NMBR: variants seen among roughly 807,000 people sequenced by gnomAD.
NMBR encodes the protein neuromedin B receptor, also known as neuromedin-B receptor.
NMBR carries 16 observed loss-of-function variants against 20.5 expected under a neutral mutation model. The observed-to-expected ratio is 0.78, with a 90% CI of 0.53 to 1.19. The LOEUF is 1.19. Ranked by LOEUF, NMBR falls within the 50% of genes most tolerant of loss-of-function variation. NMBR has a pLI of 0.00. For synonymous variants in NMBR, 212 were observed against 196.6 expected (o/e 1.08, Z -0.65); for missense variants, 582 against 499.1 (o/e 1.17, Z -1.58).
chr6:142,134,147 G>T, intron 1 of NMBR: 1 of 498,622 alleles, frequency 2.0e-6, no homozygotes, highest in Non-Finnish European at 3.6e-6. Context: ...TGTTCCTAAG[G>T]ATTATGTTAC....
intron 1 of NMBR, among the ~76,000 whole-genome samples, chr6:142,106,661 A>G (rs1777667196): frequency 6.6e-6 from 1 of 152,224 alleles, no homozygotes; most frequent in South Asian, 2.1e-4. Flanking sequence ...TGCCCTAAGC[A>G]ATTGTTAACT....
At chr6:142,122,232 G>A (rs1390480085) in intron 1 of NMBR, among the ~76,000 whole-genome samples, 2 of 151,922 alleles carry the variant, frequency 1.3e-5, no homozygotes, top group Admixed American at 6.6e-5. Context: ...ATTCCCTTAA[G>A]CCAAAACCTA....
intron 1 of NMBR, among the ~76,000 whole-genome samples, chr6:142,094,662 A>C (rs1777408183): frequency 1.3e-5 from 2 of 152,136 alleles, no homozygotes; most frequent in Non-Finnish European, 2.9e-5. Flanking sequence ...ATGAACTTTA[A>C]AGGAGTTTTT....
chr6:142,087,630 G>GA (rs946838022), intron 2 of NMBR, among the ~76,000 whole-genome samples: 98 of 150,616 alleles, frequency 6.5e-4, no homozygotes, highest in African/African-American at 2.1e-3. Flanking sequence ...CCTATCTGTG[G>GA]AAAAAAAAAG....
chr6:142,088,305 C>T lies in NMBR; in HGVS notation c.354G>A (p.Leu118=). Residue 118 remains leucine, a synonymous_variant, in exon 2 of 4, where the codon CTG becomes CTA. Transcript: ENST00000258042. ...CGGAAGTGAGCTGGATGACAGGGATCAGTTTGCAGCCCACCTTGCCAAACA... is the reference window on the plus strand; with the variant it reads ...CGGAAGTGAGCTGGATGACAGGGATTAGTTTGCAGCCCACCTTGCCAAACA... ...EWMFGKVGCK[L]IPVIQLTSVG... 6.2e-7 allele frequency: 1 copy of T among 1,614,016 alleles called. No individual in the cohort carries two copies. Among genetic ancestry groups the T allele is most frequent in the Admixed American group, 1.7e-5 (1 of 60,024 alleles).
At chr6:142,111,430 A>G (rs1777761834) in intron 1 of NMBR, among the ~76,000 whole-genome samples, 1 of 152,172 alleles carries the variant, frequency 6.6e-6, no homozygotes, top group South Asian at 2.1e-4. Context: ...TGATTTTCTT[A>G]GTGAGAAAAG....
intron 1 of NMBR, among the ~76,000 whole-genome samples, chr6:142,109,903 A>G (rs1777730339): frequency 6.6e-6 from 1 of 152,104 alleles, no homozygotes; most frequent in Admixed American, 6.6e-5. Flanking sequence ...ATATATAGAT[A>G]TGAGCCTTCA....
intron 1 of NMBR, among the ~76,000 whole-genome samples, chr6:142,135,947 A>C (rs1365403162): frequency 6.6e-6 from 1 of 152,008 alleles, no homozygotes; most frequent in Non-Finnish European, 1.5e-5. Context: ...ATAGTGCCAC[A>C]ATAAACATAC....
At chr6:142,141,460 G>A (rs183317991) in intron 1 of NMBR, among the ~76,000 whole-genome samples, 7 of 151,742 alleles carry the variant, frequency 4.6e-5, no homozygotes, top group Admixed American at 2.6e-4. Context: ...TAGAAAAGAA[G>A]TTATATTGTG....
intron 1 of NMBR, among the ~76,000 whole-genome samples, chr6:142,120,538 A>T (rs1777927837): frequency 6.6e-6 from 1 of 151,936 alleles, no homozygotes; most frequent in African/African-American, 2.4e-5. Context: ...TTCATGTGTG[A>T]CAAGAAAACA....
At chr6:142,091,712 A>C (rs1380579325) in intron 1 of NMBR, among the ~76,000 whole-genome samples, 2 of 152,194 alleles carry the variant, frequency 1.3e-5, no homozygotes, top group Non-Finnish European at 2.9e-5. Context: ...ATTGTATTTG[A>C]AATCAGTGTC....
chr6:142,135,069 A>T (rs1582864174), intron 1 of NMBR: 2 of 390,240 alleles, frequency 5.1e-6, no homozygotes, highest in East Asian at 7.5e-5. Context: ...GTTGTAAGGT[A>T]AGGATTCTTG....
chr6:142,120,539 C>A (rs531270508), intron 1 of NMBR, among the ~76,000 whole-genome samples: 1 of 151,902 alleles, frequency 6.6e-6, no homozygotes, highest in South Asian at 2.1e-4. Context: ...TCATGTGTGA[C>A]AAGAAAACAC....
chr6:142,084,439 G>C (rs918444272), intron 2 of NMBR, among the ~76,000 whole-genome samples: 1 of 151,960 alleles, frequency 6.6e-6, no homozygotes, highest in African/African-American at 2.4e-5. Flanking sequence ...TTGGCTATTT[G>C]GTATCAGAAG....
At chr6:142,137,514 C>G (rs550398312) in intron 1 of NMBR, among the ~76,000 whole-genome samples, 1 of 152,118 alleles carries the variant, frequency 6.6e-6, no homozygotes, top group African/African-American at 2.4e-5. Context: ...TTGCCCTGGC[C>G]GGAACTTCCA....
At chr6:142,132,881 G>GCTGA (rs1346753717) in intron 1 of NMBR, among the ~76,000 whole-genome samples, 1 of 152,148 alleles carries the variant, frequency 6.6e-6, no homozygotes, top group Non-Finnish European at 1.5e-5. Flanking sequence ...TGGCTGGCTG[G>GCTGA]CTATGCTGAC....
chr6:142,087,461 C>T (rs1377661317), intron 2 of NMBR, among the ~76,000 whole-genome samples: 1 of 152,168 alleles, frequency 6.6e-6, no homozygotes, highest in African/African-American at 2.4e-5. Context: ...GGATTTTCCT[C>T]CCTGGTCTTC....
At chr6:142,126,981 G>A (rs1036392700) in intron 1 of NMBR, among the ~76,000 whole-genome samples, 3 of 151,458 alleles carry the variant, frequency 2.0e-5, no homozygotes, top group African/African-American at 7.3e-5. Context: ...TTTTTGCTGT[G>A]CAGAAGCTTT....
intron 1 of NMBR, among the ~76,000 whole-genome samples, chr6:142,093,256 C>T (rs1777369938): frequency 6.7e-6 from 1 of 149,722 alleles, no homozygotes; most frequent in Non-Finnish European, 1.5e-5. Flanking sequence ...CACACATTAA[C>T]TCATCATTTA....
Sources: allele counts gnomAD v4.1 joint callset (sites outside exome capture counted in the v4.1 genomes callset), GRCh38; gene constraint gnomAD v4.1.1; transcripts MANE v1.5; gene names NCBI Gene and HGNC (gene_info 2026-07-23, HGNC 2026-07-21).